The following PCDHA12 variants were observed in gnomAD, a reference collection of about 807,000 sequenced individuals.
PCDHA12 encodes protocadherin alpha 12.
PCDHA12 carries 44 observed loss-of-function variants against 60.0 expected under a neutral mutation model. The ratio of observed to expected loss-of-function variants is 0.73; its 90% CI spans 0.58 to 0.94. The LOEUF (loss-of-function observed/expected upper bound fraction) is 0.94, where lower values mean the gene tolerates loss of function less well. PCDHA12 is among the 40% of genes least tolerant of loss of function. PCDHA12 has a pLI of 0.00. For synonymous variants in PCDHA12, 569 were observed against 553.0 expected, an observed-to-expected ratio of 1.03 and a Z score of -0.40; for missense variants, 1,276 against 1,239.7, an observed-to-expected ratio of 1.03 and a Z score of -0.44.
In PCDHA12 at chr5:140,882,349, T is replaced by G. The variant is rs782020720; in HGVS notation, c.2367+4510T>G. On this transcript the variant is annotated intron_variant, in intron 1 of 3. Transcript: ENST00000398631. ...TGATCCTCGCAGCCTGGGAGACGGG[T>G]AGTGGCCAGCTCCACTACTCCGTCC... 9 of 1,613,872 alleles carry G rather than the reference T, an allele frequency of 5.6e-6. No individual in the cohort carries two copies. The Admixed American group carries it at 1.3e-4, about 24-fold the overall frequency.
chr5:141,005,142 T>C (rs1554259898), intron 3 of PCDHA12, among the ~76,000 whole-genome samples: 1 of 152,234 alleles, frequency 6.6e-6, no homozygotes, highest in African/African-American at 2.4e-5. Flanking sequence ...ATTGGAGAGT[T>C]GTTTGGTCTG....
At chr5:140,998,099 CAGA>C (rs2097796305) in intron 3 of PCDHA12, among the ~76,000 whole-genome samples, 1 of 152,130 alleles carries the variant, frequency 6.6e-6, no homozygotes, top group African/African-American at 2.4e-5. Context: ...CTAGAGCAAA[CAGA>C]GGAGAAAATT....
At chr5:140,882,336 C>A (rs781805621) in intron 1 of PCDHA12, 31 of 1,614,044 alleles carry the variant, frequency 1.9e-5, no homozygotes, top group Non-Finnish European at 2.5e-5. Flanking sequence ...ATCCTCGCAG[C>A]CTGGGAGACG....
intron 1 of PCDHA12, among the ~76,000 whole-genome samples, chr5:140,932,809 CAT>C (rs782729907): frequency 3.3e-5 from 5 of 151,746 alleles, no homozygotes; most frequent in Admixed American, 6.6e-5. Flanking sequence ...ACCTTGGAAA[CAT>C]ATAAGTGGGA....
At chr5:140,961,193 G>C (rs1297758288) in intron 1 of PCDHA12, among the ~76,000 whole-genome samples, 1 of 152,124 alleles carries the variant, frequency 6.6e-6, no homozygotes, top group Non-Finnish European at 1.5e-5. Context: ...CAGGACCCTA[G>C]TGAGGTTGGT....
At chr5:140,924,662 A>C (rs891233024) in intron 1 of PCDHA12, among the ~76,000 whole-genome samples, 6 of 152,166 alleles carry the variant, frequency 3.9e-5, no homozygotes, top group Non-Finnish European at 5.9e-5. Flanking sequence ...TGGGAGGCCG[A>C]GGCAGGCCAA....
At chr5:140,951,723 A>G (rs1364455679) in intron 1 of PCDHA12, among the ~76,000 whole-genome samples, 3 of 152,104 alleles carry the variant, frequency 2.0e-5, no homozygotes, top group Non-Finnish European at 4.4e-5. Flanking sequence ...GATCCAAACC[A>G]TGTCATTCTG....
chr5:140,925,964 CA>C lies in PCDHA12; in HGVS notation c.2367+48134del, dbSNP rs782520997. Among the ~76,000 whole-genome samples the C allele has an allele frequency of 8.1e-3, 1,224 of 150,190 alleles. 5 individuals carry two copies. The highest frequency in any genetic ancestry group is 0.019 in the African/African-American group (788 of 40,962). ...TGGAGAAGGAGAAACTGCTATCACG[CA>C]AAAAAAAAGCCTTGAGCTCGCTGGC... On this transcript the variant is annotated intron_variant, in intron 1 of 3. Transcript: ENST00000398631.
intron 1 of PCDHA12, among the ~76,000 whole-genome samples, chr5:140,886,777 G>A (rs2061124221): frequency 1.4e-5 from 2 of 140,408 alleles, no homozygotes; most frequent in South Asian, 4.7e-4. Flanking sequence ...AGTGAGATGA[G>A]ATCATGCTAC....
At chr5:140,966,805 T>G in intron 1 of PCDHA12, 1 of 1,545,566 alleles carries the variant, frequency 6.5e-7, no homozygotes, top group East Asian at 2.4e-5. Context: ...CGACAGAGCA[T>G]CCACGGCTCC....
chr5:140,909,585 T>C (rs1554193854), intron 1 of PCDHA12, among the ~76,000 whole-genome samples: 1 of 152,180 alleles, frequency 6.6e-6, no homozygotes, highest in Non-Finnish European at 1.5e-5. Context: ...GATATGTTTT[T>C]TGATTTACTA....
At chr5:140,979,215 G>A (rs1463069868) in intron 2 of PCDHA12, among the ~76,000 whole-genome samples, 5 of 152,178 alleles carry the variant, frequency 3.3e-5, no homozygotes, top group African/African-American at 4.8e-5. Context: ...TGGCATATAA[G>A]AGTCCTCTGT....
chr5:140,973,815 A>C (rs2096603789), intron 1 of PCDHA12, among the ~76,000 whole-genome samples: 1 of 152,224 alleles, frequency 6.6e-6, no homozygotes, highest in African/African-American at 2.4e-5. Flanking sequence ...CAGAATAGCA[A>C]AGTCAGTTCT....
intron 1 of PCDHA12, among the ~76,000 whole-genome samples, chr5:140,962,845 C>G (rs2095712902): frequency 6.6e-6 from 1 of 152,172 alleles, no homozygotes; most frequent in African/African-American, 2.4e-5. Flanking sequence ...TATTATATAA[C>G]TTGTGCTCGG....
At chr5:140,969,994 CAGAG>C (rs1406079395) in intron 1 of PCDHA12, among the ~76,000 whole-genome samples, 2 of 152,032 alleles carry the variant, frequency 1.3e-5, no homozygotes, top group Non-Finnish European at 1.5e-5. Context: ...AGAGGGCTGT[CAGAG>C]GGAGTGGATG....
intron 1 of PCDHA12, among the ~76,000 whole-genome samples, chr5:140,897,618 T>C: frequency 6.6e-6 from 1 of 152,172 alleles, no homozygotes; most frequent in Non-Finnish European, 1.5e-5. Flanking sequence ...TTCCAAGTCT[T>C]TACTATTGTG....
chr5:140,876,324 T>A lies in PCDHA12; in HGVS notation c.852T>A (p.Ile284=). Reference sequence around the variant, plus strand: ...AAATTTCCTATGGGATCAAAATGATTTTGCCAGTGAGTGAGAAATGTATGT... The same window carrying A: ...AAATTTCCTATGGGATCAAAATGATATTGCCAGTGAGTGAGAAATGTATGT... ...NGEISYGIKM[I]LPVSEKCMFS... Residue 284 remains isoleucine (I), a synonymous_variant, in exon 1 of 4, where the codon ATT becomes ATA. Coordinates refer to ENST00000398631, the MANE Select transcript of PCDHA12 (RefSeq NM_018903.4). 6.2e-7 allele frequency: 1 copy of A among 1,614,000 alleles called. No homozygotes were observed. Among genetic ancestry groups the A allele is most frequent in the Non-Finnish European group, 8.5e-7 (1 of 1,179,886 alleles).
At chr5:140,954,222 G>A (rs2094999300) in intron 1 of PCDHA12, among the ~76,000 whole-genome samples, 1 of 152,132 alleles carries the variant, frequency 6.6e-6, no homozygotes, top group African/African-American at 2.4e-5. Context: ...TTTTGCTATT[G>A]TGAATAGTGC....
intron 1 of PCDHA12, among the ~76,000 whole-genome samples, chr5:140,939,071 G>C (rs1376380334): frequency 2.0e-5 from 3 of 152,140 alleles, no homozygotes; most frequent in African/African-American, 7.2e-5. Context: ...TATCAAAATA[G>C]CATAAACTGG....
Sources: allele counts gnomAD v4.1 joint callset (sites outside exome capture counted in the v4.1 genomes callset), GRCh38; gene constraint gnomAD v4.1.1; transcripts MANE v1.5; gene names NCBI Gene and HGNC (gene_info 2026-07-23, HGNC 2026-07-21).